The following CSMD1 variants were observed in gnomAD, a reference collection of about 807,000 sequenced individuals.
CSMD1 encodes the protein CUB and sushi domain-containing protein 1.
A neutral mutation model predicts 417.5 loss-of-function variants in CSMD1; 213 were observed. The observed-to-expected ratio is 0.51, with a 90% CI of 0.46 to 0.57. The LOEUF (loss-of-function observed/expected upper bound fraction) is 0.57, where lower values mean the gene tolerates loss of function less well. Ranked by LOEUF, CSMD1 falls within the 20% of genes least tolerant of loss-of-function variation. The probability of loss-of-function intolerance (pLI) is 0.00; values close to 1 mark genes in which losing one functional copy is unlikely to be tolerated. For missense variants in CSMD1, 6,923 were observed against 4,529.7 expected (o/e 1.53, Z -15.17); for synonymous variants, 2,862 against 1,736.8 (o/e 1.65, Z -16.11).
intron 52 of CSMD1, among the ~76,000 whole-genome samples, chr8:3,012,904 C>T (rs920137967): frequency 2.0e-5 from 3 of 152,086 alleles, no homozygotes; most frequent in South Asian, 2.1e-4. Context: ...ATCATGGGGG[C>T]GGGAGTTTCT....
intron 5 of CSMD1, among the ~76,000 whole-genome samples, chr8:3,991,571 C>A (rs576476732): frequency 2.3e-4 from 35 of 152,206 alleles, no homozygotes; most frequent in African/African-American, 7.5e-4. Flanking sequence ...GAAAGAAACA[C>A]GTAAGAGTAG....
chr8:2,995,317 G>A (rs935780570), intron 54 of CSMD1, among the ~76,000 whole-genome samples: 1 of 152,188 alleles, frequency 6.6e-6, no homozygotes, highest in Non-Finnish European at 1.5e-5. Context: ...TAGCCATCAG[G>A]AAATTGCAAG....
At chr8:3,910,217 G>C (rs955733282) in intron 5 of CSMD1, among the ~76,000 whole-genome samples, 6 of 152,140 alleles carry the variant, frequency 3.9e-5, no homozygotes, top group South Asian at 2.1e-4. Flanking sequence ...TGTTCATGCA[G>C]TTCAGTGAAT....
intron 3 of CSMD1, among the ~76,000 whole-genome samples, chr8:4,284,870 G>C (rs1266768976): frequency 6.6e-6 from 1 of 152,084 alleles, no homozygotes; most frequent in Non-Finnish European, 1.5e-5. Flanking sequence ...AAAAAAACTA[G>C]TTTAAAAAAC....
At chr8:3,361,651 C>CAAAAAAAAAAAAAAA (rs765648287) in intron 20 of CSMD1, among the ~76,000 whole-genome samples, 3 of 79,206 alleles carry the variant, frequency 3.8e-5, no homozygotes, top group African/African-American at 5.3e-5. Flanking sequence ...GATTCCATCT[C>CAAAAAAAAAAAAAAA]AAAAAAAAAA....
intron 17 of CSMD1, among the ~76,000 whole-genome samples, chr8:3,388,556 G>C (rs187982137): frequency 6.4e-4 from 97 of 152,274 alleles, no homozygotes; most frequent in Non-Finnish European, 1.2e-3. Flanking sequence ...CTAATTTAAA[G>C]ACTGTTTAGT....
intron 5 of CSMD1, among the ~76,000 whole-genome samples, chr8:3,986,829 C>A (rs1321867711): frequency 5.3e-5 from 8 of 152,058 alleles, no homozygotes; most frequent in African/African-American, 1.7e-4. Context: ...GATCTCGGCT[C>A]ACTGCAATCT....
intron 2 of CSMD1, among the ~76,000 whole-genome samples, chr8:4,582,619 C>T (rs1181642496): frequency 2.0e-5 from 3 of 152,336 alleles, no homozygotes; most frequent in Non-Finnish European, 4.4e-5. Context: ...AGCAAGGATG[C>T]ACCTGGAAAT....
At position 4,146,582 on chromosome 8, in the gene CSMD1, T is replaced by G. The variant is rs554388737; in HGVS notation, c.416-114483A>C. 1.1e-3 allele frequency among the ~76,000 whole-genome samples: 162 copies of G among 142,426 alleles called. 2 individuals are homozygous for G. The highest frequency in any genetic ancestry group is 0.011 in the Admixed American group (156 of 13,924). 93.4% of individuals were successfully genotyped at this position (142,426 alleles called of 152,430 possible). ...GCTCCATTATTATCTGTCTAAATGT[T>G]TATATGGACACATTTTTTTTTTTTT... is the stretch of plus-strand genomic sequence containing the variant. On this transcript the variant is annotated intron_variant, in intron 3 of 69. Transcript: ENST00000635120.
intron 3 of CSMD1, among the ~76,000 whole-genome samples, chr8:4,085,483 C>T (rs187166053): frequency 2.1e-4 from 32 of 152,184 alleles, no homozygotes; most frequent in African/African-American, 7.7e-4. Flanking sequence ...GTTTAAAACC[C>T]CTTGGATACT....
At chr8:4,266,810 A>T (rs1247567064) in intron 3 of CSMD1, among the ~76,000 whole-genome samples, 1 of 104,720 alleles carries the variant, frequency 9.5e-6, no homozygotes, top group African/African-American at 2.6e-5. Flanking sequence ...TAAATAGTGG[A>T]TTGTGATGAC....
chr8:3,882,432 C>A (rs1256173796), intron 5 of CSMD1, among the ~76,000 whole-genome samples: 2 of 152,190 alleles, frequency 1.3e-5, no homozygotes, highest in African/African-American at 4.8e-5. Flanking sequence ...TGTGGAGCAA[C>A]TGGAAATTTC....
At chr8:3,976,093 TG>T (rs1813415851) in intron 5 of CSMD1, among the ~76,000 whole-genome samples, 1 of 152,046 alleles carries the variant, frequency 6.6e-6, no homozygotes, top group Non-Finnish European at 1.5e-5. Flanking sequence ...GTCACGAACT[TG>T]TAAGAATCTA....
At chr8:4,745,652 A>G in intron 1 of CSMD1, among the ~76,000 whole-genome samples, 1 of 152,218 alleles carries the variant, frequency 6.6e-6, no homozygotes, top group Non-Finnish European at 1.5e-5. Flanking sequence ...AGTAGAAATA[A>G]AAGAAAAAGA....
chr8:4,241,662 T>G (rs1938298016), intron 3 of CSMD1, among the ~76,000 whole-genome samples: 1 of 152,312 alleles, frequency 6.6e-6, no homozygotes, highest in South Asian at 2.1e-4. Flanking sequence ...CAAATGGTAT[T>G]TCTTCCATCC....
intron 13 of CSMD1, 46 bp downstream of exon 13, chr8:3,409,356 CTCCTTTTCTCCCCTTGCAAGA>C: frequency 7.2e-7 from 1 of 1,394,454 alleles, no homozygotes; most frequent in Non-Finnish European, 9.5e-7. Flanking sequence ...CTGTGTCTTT[CTCCTTTTCTCCCCTTGCAAGA>C]TCCTTGCAGG....
intron 3 of CSMD1, among the ~76,000 whole-genome samples, chr8:4,045,408 A>G (rs1034815398): frequency 2.0e-5 from 3 of 152,202 alleles, no homozygotes; most frequent in African/African-American, 7.2e-5. Flanking sequence ...CCGATCATCA[A>G]TGACAAGTGG....
chr8:4,518,804 A>G (rs1766676042), intron 2 of CSMD1, among the ~76,000 whole-genome samples: 1 of 152,086 alleles, frequency 6.6e-6, no homozygotes, highest in African/African-American at 2.4e-5. Flanking sequence ...GAAAAATAGA[A>G]TAATTAAAAT....
At chr8:4,385,367 G>C (rs532016936) in intron 3 of CSMD1, among the ~76,000 whole-genome samples, 34 of 152,258 alleles carry the variant, frequency 2.2e-4, no homozygotes, top group Non-Finnish European at 4.1e-4. Flanking sequence ...TAACCGACGT[G>C]GCCCCAGCCT....
Sources: gnomAD v4.1 joint callset for allele counts (sites outside exome capture counted in the v4.1 genomes callset) on GRCh38, gnomAD v4.1.1 for gene constraint, MANE v1.5 for transcripts, NCBI Gene and HGNC (gene_info 2026-07-23, HGNC 2026-07-21) for gene names.